STXBP5L: variants seen among roughly 807,000 people sequenced by gnomAD.
STXBP5L encodes the protein syntaxin binding protein 5L.
Under a neutral mutation model 144.5 loss-of-function variants are expected in STXBP5L, and 65 were observed. That is an observed-to-expected ratio of 0.45 (90% CI 0.37 to 0.55). STXBP5L has a LOEUF of 0.55. STXBP5L is among the 20% of genes least tolerant of loss of function. The probability of loss-of-function intolerance (pLI) is 0.00; values close to 1 mark genes in which losing one functional copy is unlikely to be tolerated. For missense variants in STXBP5L, 1,298 were observed against 1,405.5 expected, an observed-to-expected ratio of 0.92 and a Z score of 1.22; for synonymous variants, 505 against 469.6, an observed-to-expected ratio of 1.08 and a Z score of -0.97.
Position 121,333,344 on chromosome 3 carries a change from C to T in STXBP5L, c.2176+14804C>T, listed in dbSNP as rs1489081988. Reference sequence around the variant, plus strand: ...GAAACAAATGAAAACAAAGATACAACATACCAGAATCTCTGGGACACGGCT... The same window carrying T: ...GAAACAAATGAAAACAAAGATACAATATACCAGAATCTCTGGGACACGGCT... On this transcript the variant is annotated intron_variant, in intron 20 of 26. Coordinates refer to ENST00000471454, the MANE Select transcript of STXBP5L (RefSeq NM_001308330.2). Among the ~76,000 whole-genome samples, 8 of 152,014 alleles carry T rather than the reference C, an allele frequency of 5.3e-5. 1 individual carries two copies. Among genetic ancestry groups the T allele is most frequent in the South Asian group, 4.1e-4 (2 of 4,822 alleles).
chr3:121,092,254 G>T (rs1277348073), intron 5 of STXBP5L, among the ~76,000 whole-genome samples: 2 of 151,768 alleles, frequency 1.3e-5, no homozygotes, highest in South Asian at 2.1e-4. Context: ...GGCAATGCGG[G>T]CTCTTTCTTG....
intron 20 of STXBP5L, among the ~76,000 whole-genome samples, chr3:121,320,421 C>G (rs1293605692): frequency 6.6e-6 from 1 of 151,916 alleles, no homozygotes; most frequent in Non-Finnish European, 1.5e-5. Context: ...ATCTACGTAT[C>G]TAAGTATGCC....
At chr3:120,970,826 T>C (rs1314052381) in intron 3 of STXBP5L, among the ~76,000 whole-genome samples, 1 of 152,148 alleles carries the variant, frequency 6.6e-6, no homozygotes, top group Non-Finnish European at 1.5e-5. Context: ...GGGGAACTTA[T>C]ATTGAGCACA....
chr3:121,370,464 C>T (rs1040055346), intron 20 of STXBP5L, among the ~76,000 whole-genome samples: 1 of 152,144 alleles, frequency 6.6e-6, no homozygotes, highest in Non-Finnish European at 1.5e-5. Flanking sequence ...CTGAGGCCTC[C>T]TCAGAAGCAG....
intron 5 of STXBP5L, among the ~76,000 whole-genome samples, chr3:121,080,348 A>T (rs906382264): frequency 2.6e-5 from 4 of 151,840 alleles, no homozygotes; most frequent in African/African-American, 9.7e-5. Flanking sequence ...GATGTGAGGT[A>T]TTGTTCTATT....
At chr3:121,116,782 C>T (rs1045563840) in intron 6 of STXBP5L, among the ~76,000 whole-genome samples, 1 of 151,822 alleles carries the variant, frequency 6.6e-6, no homozygotes, top group African/African-American at 2.4e-5. Flanking sequence ...TAATCCTAGT[C>T]CTATAAAAGC....
intron 3 of STXBP5L, among the ~76,000 whole-genome samples, chr3:120,955,716 C>T (rs1576480493): frequency 6.6e-6 from 1 of 151,946 alleles, no homozygotes; most frequent in Admixed American, 6.6e-5. Context: ...AGGATATTGA[C>T]ATTATACAAT....
intron 9 of STXBP5L, among the ~76,000 whole-genome samples, chr3:121,168,341 T>C (rs914224705): frequency 1.3e-5 from 2 of 152,134 alleles, no homozygotes; most frequent in Non-Finnish European, 2.9e-5. Flanking sequence ...AGAATGAGTT[T>C]GACAAATTGA....
intron 3 of STXBP5L, among the ~76,000 whole-genome samples, chr3:121,021,457 G>A (rs9850634): frequency 0.099 from 15,124 of 152,134 alleles, 1,189 homozygotes; most frequent in Admixed American, 0.2. Context: ...AACAACTGCA[G>A]AATATACCTT....
intron 9 of STXBP5L, among the ~76,000 whole-genome samples, chr3:121,171,729 G>A (rs552401454): frequency 6.6e-6 from 1 of 151,812 alleles, no homozygotes; most frequent in African/African-American, 2.4e-5. Context: ...AGCATTCCAT[G>A]CTGACGGATA....
At chr3:121,362,036 G>T (rs1328237369) in intron 20 of STXBP5L, among the ~76,000 whole-genome samples, 2 of 152,224 alleles carry the variant, frequency 1.3e-5, no homozygotes, top group African/African-American at 4.8e-5. Flanking sequence ...AGTTCTTGCA[G>T]ACTCATAGAA....
chr3:121,106,384 T>G (rs73189330), intron 5 of STXBP5L, among the ~76,000 whole-genome samples: 5,403 of 152,240 alleles, frequency 0.035, 146 homozygotes, highest in Middle Eastern at 0.082. Context: ...CATTAGCTAT[T>G]TATTATGACA....
chr3:121,046,814 T>C (rs1246526009), intron 5 of STXBP5L, among the ~76,000 whole-genome samples: 1 of 152,134 alleles, frequency 6.6e-6, no homozygotes, highest in Non-Finnish European at 1.5e-5. Context: ...ACTCTTGTAC[T>C]CATTGATCTT....
At chr3:121,075,491 T>G (rs1256129875) in intron 5 of STXBP5L, among the ~76,000 whole-genome samples, 1 of 152,200 alleles carries the variant, frequency 6.6e-6, no homozygotes, top group Non-Finnish European at 1.5e-5. Flanking sequence ...TAGCCACCTG[T>G]ATAAGCTTGG....
chr3:120,908,860 GA>G (rs1708674592), intron 1 of STXBP5L, among the ~76,000 whole-genome samples: 3 of 148,016 alleles, frequency 2.0e-5, no homozygotes, highest in African/African-American at 5.0e-5. Flanking sequence ...GGAGGGAGAT[GA>G]GGGGGAGGTG....
chr3:121,053,268 A>AC (rs1560063296), intron 5 of STXBP5L, among the ~76,000 whole-genome samples: 1 of 152,064 alleles, frequency 6.6e-6, no homozygotes. Context: ...GAGCCAAAAA[A>AC]ATCCCCCATT....
chr3:121,360,704 G>A (rs1272374004), intron 20 of STXBP5L, among the ~76,000 whole-genome samples: 5 of 151,876 alleles, frequency 3.3e-5, no homozygotes, highest in Non-Finnish European at 7.4e-5. Flanking sequence ...TTGTCCTCCT[G>A]CTTTTTAACT....
At chr3:121,234,950 G>C (rs2049426761) in intron 12 of STXBP5L, among the ~76,000 whole-genome samples, 1 of 150,826 alleles carries the variant, frequency 6.6e-6, no homozygotes, top group Non-Finnish European at 1.5e-5. Context: ...CATCTTTGCA[G>C]GCCCATTATA....
chr3:121,312,364 GCTT>G (rs1395160637), intron 19 of STXBP5L, among the ~76,000 whole-genome samples: 44 of 91,328 alleles, frequency 4.8e-4, no homozygotes, highest in African/African-American at 2.0e-3. Flanking sequence ...AAACTAAAGA[GCTT>G]CTTTTTTTTT....
Sources: allele counts gnomAD v4.1 joint callset (sites outside exome capture counted in the v4.1 genomes callset), GRCh38; gene constraint gnomAD v4.1.1; transcripts MANE v1.5; gene names NCBI Gene and HGNC (gene_info 2026-07-23, HGNC 2026-07-21).